The following PCDH9 variants were observed in gnomAD, a reference collection of about 807,000 sequenced individuals.
The protein encoded by PCDH9 is protocadherin-9.
Under a neutral mutation model 70.6 loss-of-function variants are expected in PCDH9, and 24 were observed. The observed-to-expected ratio is 0.34, with a 90% confidence interval of 0.25 to 0.48. PCDH9 has a LOEUF of 0.48. Ranked by LOEUF, PCDH9 falls within the 20% of genes least tolerant of loss-of-function variation. The pLI is 0.99. For synonymous variants in PCDH9, 562 were observed against 558.5 expected (o/e 1.01, Z -0.09); for missense variants, 1,281 against 1,503.6 (o/e 0.85, Z 2.45).
At chr13:66,388,340 T>G (rs1956964806) in intron 4 of PCDH9, among the ~76,000 whole-genome samples, 1 of 152,144 alleles carries the variant, frequency 6.6e-6, no homozygotes, top group Non-Finnish European at 1.5e-5. Flanking sequence ...AGTGAACTGA[T>G]TTTAGTTTTT....
intron 2 of PCDH9, among the ~76,000 whole-genome samples, chr13:67,145,798 G>T (rs2087509607): frequency 6.6e-6 from 1 of 151,930 alleles, no homozygotes; most frequent in African/African-American, 2.4e-5. Flanking sequence ...TATAATGAAT[G>T]AAAAGTCTTC....
At chr13:67,026,073 A>T (rs950580447) in intron 2 of PCDH9, among the ~76,000 whole-genome samples, 2 of 152,150 alleles carry the variant, frequency 1.3e-5, no homozygotes, top group African/African-American at 4.8e-5. Context: ...TCATTTTTAA[A>T]GTGTACACAT....
intron 2 of PCDH9, among the ~76,000 whole-genome samples, chr13:67,017,149 C>A (rs1050958125): frequency 2.0e-5 from 3 of 152,162 alleles, no homozygotes; most frequent in African/African-American, 4.8e-5. Context: ...CATGTCCTGT[C>A]TTACACTGTT....
intron 3 of PCDH9, among the ~76,000 whole-genome samples, chr13:66,656,109 A>G (rs367566623): frequency 6.6e-6 from 1 of 152,158 alleles, no homozygotes; most frequent in Non-Finnish European, 1.5e-5. Context: ...AAAACAAATG[A>G]AATATTTTAA....
chr13:67,138,425 G>C (rs2087288956), intron 2 of PCDH9, among the ~76,000 whole-genome samples: 1 of 152,160 alleles, frequency 6.6e-6, no homozygotes, highest in Non-Finnish European at 1.5e-5. Context: ...TGTGCCACCT[G>C]TTGATCTGAA....
chr13:66,425,932 T>G (rs949204767), intron 4 of PCDH9, among the ~76,000 whole-genome samples: 1 of 151,352 alleles, frequency 6.6e-6, no homozygotes, highest in Non-Finnish European at 1.5e-5. Flanking sequence ...CTCCATCAAA[T>G]CTCATCAGCC....
At chr13:66,860,916 T>C (rs1257549713) in intron 3 of PCDH9, among the ~76,000 whole-genome samples, 2 of 152,190 alleles carry the variant, frequency 1.3e-5, no homozygotes, top group Non-Finnish European at 2.9e-5. Context: ...AAAAGCTACA[T>C]TTTCCTAGAC....
At position 66,678,764 on chromosome 13, in the gene PCDH9, AT is replaced by A. The variant is rs764456782; in HGVS notation, c.3139-47354del. ...AAGAAATTGTAGAAAAATAAAAAAAATATTCAAAAAATCTCAAAGAATTCCC... is the reference window on the plus strand; with the variant it reads ...AAGAAATTGTAGAAAAATAAAAAAAAATTCAAAAAATCTCAAAGAATTCCC... On this transcript the variant is annotated intron_variant, in intron 3 of 4. Coordinates refer to ENST00000377865, the MANE Select transcript of PCDH9 (RefSeq NM_203487.3). Among the ~76,000 whole-genome samples, 155 of 152,034 alleles carry A rather than the reference AT, an allele frequency of 1.0e-3. 1 individual carries two copies. Among genetic ancestry groups the A allele is most frequent in the African/African-American group, 3.1e-3 (129 of 41,534 alleles).
intron 3 of PCDH9, among the ~76,000 whole-genome samples, chr13:66,706,873 TCTCA>T (rs2078718560): frequency 6.6e-6 from 1 of 152,194 alleles, no homozygotes; most frequent in African/African-American, 2.4e-5. Flanking sequence ...TTACTGGGCA[TCTCA>T]CTCAGTCATG....
At chr13:67,068,403 G>C (rs1221851944) in intron 2 of PCDH9, among the ~76,000 whole-genome samples, 1 of 152,056 alleles carries the variant, frequency 6.6e-6, no homozygotes, top group African/African-American at 2.4e-5. Flanking sequence ...ATGTAAAGGT[G>C]CCTGAAATGT....
At chr13:66,723,246 A>C (rs1216607756) in intron 3 of PCDH9, among the ~76,000 whole-genome samples, 2 of 152,116 alleles carry the variant, frequency 1.3e-5, no homozygotes, top group Non-Finnish European at 2.9e-5. Context: ...TTCTTATTCA[A>C]AAACAAACAA....
At chr13:66,964,824 AT>A (rs1446384756) in intron 2 of PCDH9, among the ~76,000 whole-genome samples, 4 of 151,540 alleles carry the variant, frequency 2.6e-5, no homozygotes, top group African/African-American at 4.8e-5. Flanking sequence ...TCATGTTGTA[AT>A]TTTTTTTGAC....
At chr13:66,320,525 T>C (rs1268800089) in intron 4 of PCDH9, among the ~76,000 whole-genome samples, 1 of 152,064 alleles carries the variant, frequency 6.6e-6, no homozygotes, top group African/African-American at 2.4e-5. Flanking sequence ...TCTAGAACAA[T>C]TGGCTTCGGT....
intron 3 of PCDH9, among the ~76,000 whole-genome samples, chr13:66,694,210 T>C (rs976253862): frequency 6.6e-6 from 1 of 152,216 alleles, no homozygotes; most frequent in Non-Finnish European, 1.5e-5. Flanking sequence ...AAATCTTGTA[T>C]GTAATGTGAT....
At chr13:66,692,467 T>A (rs2078501896) in intron 3 of PCDH9, among the ~76,000 whole-genome samples, 1 of 151,996 alleles carries the variant, frequency 6.6e-6, no homozygotes, top group Admixed American at 6.6e-5. Context: ...AAAGTTCACA[T>A]GGTAGGAATG....
chr13:66,544,299 A>G (rs1165199093), intron 4 of PCDH9, among the ~76,000 whole-genome samples: 1 of 152,180 alleles, frequency 6.6e-6, no homozygotes. Flanking sequence ...TACACTGACA[A>G]TGTTGACTAA....
rs568269048 is a variant in PCDH9, at chr13:66,438,580, C to T, written c.3341-133552G>A. Among the ~76,000 whole-genome samples the T allele has an allele frequency of 3.9e-5, 6 of 152,298 alleles. No individual in the cohort carries two copies. In the East Asian group the frequency reaches 1.2e-3, roughly 29 times the overall value. ...TACACCAAAGATTATTTTCTGTTCT[C>T]CCTTGTCGTTGGATAGCAGGTATGT... On this transcript the variant is annotated intron_variant, in intron 4 of 4. Coordinates refer to ENST00000377865, the MANE Select transcript of PCDH9 (RefSeq NM_203487.3).
chr13:66,411,644 T>TA (rs1957371161), intron 4 of PCDH9, among the ~76,000 whole-genome samples: 2 of 144,352 alleles, frequency 1.4e-5, no homozygotes, highest in African/African-American at 5.7e-5. Flanking sequence ...ATATAGATGA[T>TA]GGATAGATAG....
rs968737585 is a variant in PCDH9 at position 66,934,054 on chromosome 13, T to C, written c.3037-30449A>G. On this transcript the variant is annotated intron_variant, in intron 2 of 4. Transcript: ENST00000377865. ...CAAATCATGCTGACAAATACACTCA[T>C]CACACCTACAGCCTGCCTGCCTACT... Among the ~76,000 whole-genome samples, 15 of 152,210 alleles carry C rather than the reference T, an allele frequency of 9.9e-5. 2 individuals carry two copies. The highest frequency in any genetic ancestry group is 7.9e-4 in the Admixed American group (12 of 15,284).
Sources: gnomAD v4.1 joint callset for allele counts (sites outside exome capture counted in the v4.1 genomes callset) on GRCh38, gnomAD v4.1.1 for gene constraint, MANE v1.5 for transcripts, NCBI Gene and HGNC (gene_info 2026-07-23, HGNC 2026-07-21) for gene names.